The following SGK1 variants were observed in gnomAD, a reference collection of about 807,000 sequenced individuals.
The protein encoded by SGK1 is serum/glucocorticoid regulated kinase 1, also known as serine/threonine-protein kinase Sgk1.
Under a neutral mutation model 64.2 loss-of-function variants are expected in SGK1, and 26 were observed. The observed-to-expected ratio is 0.40, with a 90% CI of 0.30 to 0.56. SGK1 has a LOEUF of 0.56. SGK1 is among the 20% of genes least tolerant of loss of function. SGK1 has a pLI of 0.38. For synonymous variants in SGK1, 265 were observed against 239.7 expected (o/e 1.11, Z -0.98); for missense variants, 519 against 645.6 (o/e 0.80, Z 2.12).
intron 1 of SGK1, among the ~76,000 whole-genome samples, chr6:134,282,887 T>C (rs1183215471): frequency 6.6e-6 from 1 of 151,798 alleles, no homozygotes; most frequent in Non-Finnish European, 1.5e-5. Flanking sequence ...CTAATGATTC[T>C]ATTTCTCTGG....
rs139786854 is a variant in SGK1 at position 134,263,851 on chromosome 6, C to T, written c.70-1703G>A. 2.7e-3 allele frequency among the ~76,000 whole-genome samples: 411 copies of T among 152,108 alleles called. 1 individual carries two copies. Among genetic ancestry groups the T allele is most frequent in the African/African-American group, 9.2e-3 (380 of 41,504 alleles). On this transcript the variant is annotated intron_variant, in intron 1 of 13. Transcript: ENST00000367858. ...CTAAGGCAGGCAGGTCACTTGAGGC[C>T]AGGATTTTGGGACCAGCCTAGCCAA...
At chr6:134,192,600 C>A (rs1351653907) in intron 3 of SGK1, among the ~76,000 whole-genome samples, 5 of 151,286 alleles carry the variant, frequency 3.3e-5, no homozygotes, top group Non-Finnish European at 7.4e-5. Context: ...CCATCCATCC[C>A]CCCTCCCCCC....
intron 3 of SGK1, chr6:134,175,614 C>T (rs1253306443): frequency 6.5e-7 from 1 of 1,543,786 alleles, no homozygotes. Flanking sequence ...GGGGCCGCAG[C>T]AGGGACTCGA....
intron 2 of SGK1, among the ~76,000 whole-genome samples, chr6:134,231,565 A>G (rs888179253): frequency 5.3e-5 from 8 of 152,230 alleles, no homozygotes; most frequent in Non-Finnish European, 8.8e-5. Flanking sequence ...TTAAATGCTC[A>G]ATATTTTTAT....
intron 2 of SGK1, among the ~76,000 whole-genome samples, chr6:134,247,331 G>A (rs1324252319): frequency 6.6e-6 from 1 of 152,172 alleles, no homozygotes; most frequent in Non-Finnish European, 1.5e-5. Context: ...TCCCCAGGAT[G>A]AGGTTAGAGT....
intron 3 of SGK1, chr6:134,175,006 C>T: frequency 8.9e-7 from 1 of 1,126,762 alleles, no homozygotes; most frequent in Non-Finnish European, 1.2e-6. Flanking sequence ...GCTACGCTGC[C>T]TGCGGCGGGC....
At chr6:134,299,158 C>A (rs1173004637) in intron 1 of SGK1, among the ~76,000 whole-genome samples, 1 of 147,772 alleles carries the variant, frequency 6.8e-6, no homozygotes, top group African/African-American at 2.5e-5. Context: ...CAGTAGCTGG[C>A]AGCCAGGATA....
In SGK1 at chr6:134,289,818, C is replaced by T. The variant is rs1038385825; in HGVS notation, c.69+27574G>A. ...CACAGGAGTTCAAGACCAGCCTGGGCGACACAGTGAGACCTCTGTCTCTAC... is the reference window on the plus strand; with the variant it reads ...CACAGGAGTTCAAGACCAGCCTGGGTGACACAGTGAGACCTCTGTCTCTAC... On this transcript the variant is annotated intron_variant, in intron 1 of 13. Transcript: ENST00000367858. Among the ~76,000 whole-genome samples the T allele has an allele frequency of 4.0e-5, 6 of 151,790 alleles. No individual in the cohort carries two copies. In the South Asian group the frequency reaches 6.2e-4, roughly 16 times the overall value.
intron 1 of SGK1, among the ~76,000 whole-genome samples, chr6:134,280,074 A>C (rs1291532128): frequency 2.0e-5 from 3 of 151,970 alleles, no homozygotes; most frequent in African/African-American, 7.2e-5. Context: ...GCACACCTGT[A>C]GTCCCAGACA....
chr6:134,217,909 C>A (rs1776012910), intron 2 of SGK1, among the ~76,000 whole-genome samples: 1 of 152,108 alleles, frequency 6.6e-6, no homozygotes, highest in African/African-American at 2.4e-5. Context: ...TTCAGTTTGG[C>A]CTTTGTAATT....
chr6:134,197,743 T>C (rs1354505907), intron 3 of SGK1, among the ~76,000 whole-genome samples: 2 of 151,628 alleles, frequency 1.3e-5, no homozygotes, highest in South Asian at 2.1e-4. Flanking sequence ...GGAGAATCAC[T>C]TGAACCCGGG....
chr6:134,297,268 T>A, intron 1 of SGK1: 1 of 1,247,588 alleles, frequency 8.0e-7, no homozygotes, highest in Non-Finnish European at 1.2e-6. Flanking sequence ...GCGATCTCAA[T>A]GTCCAGGGCC....
In SGK1 at chr6:134,173,044, T is replaced by C; in HGVS notation, c.813A>G (p.Leu271=). 1.2e-6 allele frequency: 2 copies of C among 1,614,058 alleles called. No individual in the cohort carries two copies. The highest frequency in any genetic ancestry group is 1.7e-6 in the Non-Finnish European group (2 of 1,179,938). Residue 271 remains leucine (L), a synonymous_variant, in exon 8 of 14, where the codon CTA becomes CTG. Transcript: ENST00000367858. The part of the protein sequence containing the change: ...FQTADKLYFV[L]DYINGGELFY... ...TCACCTCTCCACCATTAATGTAGTCTAGGACAAAGTACAATTTGTCAGCAG... is the reference window on the plus strand; with the variant it reads ...TCACCTCTCCACCATTAATGTAGTCCAGGACAAAGTACAATTTGTCAGCAG...
chr6:134,235,582 T>TTTA (rs869046909), intron 2 of SGK1, among the ~76,000 whole-genome samples: 2 of 151,152 alleles, frequency 1.3e-5, no homozygotes, highest in South Asian at 4.2e-4. Flanking sequence ...TATTTATTTA[T>TTTA]TTATTTTTGA....
At chr6:134,267,447 G>T (rs868239790) in intron 1 of SGK1, among the ~76,000 whole-genome samples, 11 of 151,774 alleles carry the variant, frequency 7.2e-5, no homozygotes, top group African/African-American at 2.7e-4. Context: ...ACAGATGCGC[G>T]CCACCACGTT....
At chr6:134,297,651 C>T (rs1777380754) in intron 1 of SGK1, 7 of 437,324 alleles carry the variant, frequency 1.6e-5, no homozygotes, top group Non-Finnish European at 2.1e-5. Context: ...TACAGGCGTG[C>T]ACCACCACCC....
chr6:134,298,781 G>T, intron 1 of SGK1: 1 of 319,864 alleles, frequency 3.1e-6, no homozygotes, highest in Non-Finnish European at 5.2e-6. Flanking sequence ...ATAGCATTCA[G>T]CTCTTATTTA....
intron 3 of SGK1, among the ~76,000 whole-genome samples, chr6:134,176,753 G>A (rs552519653): frequency 7.2e-5 from 11 of 152,168 alleles, no homozygotes; most frequent in Non-Finnish European, 1.6e-4. Context: ...TTGGTCTTGG[G>A]CAGGGGTTTG....
At chr6:134,242,389 G>C (rs1279136450) in intron 2 of SGK1, among the ~76,000 whole-genome samples, 1 of 152,122 alleles carries the variant, frequency 6.6e-6, no homozygotes, top group African/African-American at 2.4e-5. Flanking sequence ...GGGAGGTTCA[G>C]GAAGGAGAAT....
Sources: allele counts gnomAD v4.1 joint callset (sites outside exome capture counted in the v4.1 genomes callset), GRCh38; gene constraint gnomAD v4.1.1; transcripts MANE v1.5; gene names NCBI Gene and HGNC (gene_info 2026-07-23, HGNC 2026-07-21).